Variants in CAMKMT observed in about 807,000 individuals in gnomAD.
CAMKMT encodes the protein CaM KMT.
In CAMKMT, 53 loss-of-function variants were observed where a neutral mutation model predicts 48.0. The observed-to-expected ratio is 1.10, with a 90% CI of 0.89 to 1.39. CAMKMT has a LOEUF of 1.39. Ranked by LOEUF, CAMKMT falls within the 40% of genes most tolerant of loss-of-function variation. The pLI, the probability that CAMKMT is intolerant of heterozygous loss-of-function variation, is 0.00. For synonymous variants in CAMKMT, 165 were observed against 152.3 expected (o/e 1.08, Z -0.61); for missense variants, 428 against 402.7 (o/e 1.06, Z -0.54).
intron 3 of CAMKMT, among the ~76,000 whole-genome samples, chr2:44,510,257 C>G (rs1261608772): frequency 1.3e-5 from 2 of 152,148 alleles, no homozygotes; most frequent in Non-Finnish European, 2.9e-5. Context: ...CTTAGTCTTT[C>G]TCTGTCTTTC....
intron 3 of CAMKMT, among the ~76,000 whole-genome samples, chr2:44,614,543 T>G (rs569530654): frequency 6.6e-6 from 1 of 152,148 alleles, no homozygotes; most frequent in Non-Finnish European, 1.5e-5. Flanking sequence ...ATGAGCAAGA[T>G]AAGCAGAACA....
At chr2:44,420,336 A>T (rs1040773096) in intron 3 of CAMKMT, among the ~76,000 whole-genome samples, 19 of 152,134 alleles carry the variant, frequency 1.2e-4, no homozygotes, top group Admixed American at 2.0e-4. Flanking sequence ...TAATCTTAGA[A>T]TCCAACCAAT....
At chr2:44,697,551 A>C (rs893271308) in intron 3 of CAMKMT, among the ~76,000 whole-genome samples, 2 of 152,144 alleles carry the variant, frequency 1.3e-5, no homozygotes, top group African/African-American at 2.4e-5. Flanking sequence ...GGGGGAAAAG[A>C]CCTTTATAAA....
intron 3 of CAMKMT, among the ~76,000 whole-genome samples, chr2:44,667,215 CT>C (rs1675040333): frequency 6.6e-6 from 1 of 152,182 alleles, no homozygotes; most frequent in Non-Finnish European, 1.5e-5. Context: ...TAGCTTCTAG[CT>C]AAAGTCTCCT....
intron 9 of CAMKMT, among the ~76,000 whole-genome samples, chr2:44,754,418 A>G (rs116592464): frequency 0.016 from 2,458 of 152,360 alleles, 30 homozygotes; most frequent in African/African-American, 0.036. Context: ...CTTGATAACA[A>G]TATCTTCATA....
At chr2:44,370,701 G>T (rs1187173786) in intron 1 of CAMKMT, among the ~76,000 whole-genome samples, 1 of 152,058 alleles carries the variant, frequency 6.6e-6, no homozygotes, top group Non-Finnish European at 1.5e-5. Context: ...TGCAATGAAT[G>T]CTTATTAACT....
Position 44,623,896 on chromosome 2 carries a change from T to A in CAMKMT, c.377-80387T>A, listed in dbSNP as rs534701330. ...TATATAAATGGAATTATACAGTATG[T>A]AATATTTTATGGATGCCTTTTTTCC... On this transcript the variant is annotated intron_variant, in intron 3 of 10. Transcript: ENST00000378494. Among the ~76,000 whole-genome samples the A allele has an allele frequency of 1.4e-4, 21 of 152,330 alleles. No homozygotes were observed. The South Asian group carries it at 3.5e-3, about 26-fold the overall frequency.
rs59922847 is a variant in CAMKMT at position 44,374,117 on chromosome 2, C to CAAA, written c.311+1253_311+1255dup. On this transcript the variant is annotated intron_variant, in intron 2 of 10. Transcript: ENST00000378494. ...TGGATGACAGAGTAAGACTCTGCCT[C>CAAA]AAAAAAAAAAAAAAAAAAAAAAAAA... 1.3e-3 allele frequency among the ~76,000 whole-genome samples: 83 copies of CAAA among 66,368 alleles called. 1 individual carries two copies. Among genetic ancestry groups the CAAA allele is most frequent in the African/African-American group, 4.3e-3 (76 of 17,544 alleles). The allele number at this position is 66,368 out of a possible 152,430, so 43.5% of individuals were successfully genotyped here. A position where few individuals can be genotyped will look rare whatever the true frequency, so the allele number is the denominator to read the frequency against.
intron 3 of CAMKMT, among the ~76,000 whole-genome samples, chr2:44,536,303 A>T (rs1006360457): frequency 6.6e-6 from 1 of 152,010 alleles, no homozygotes; most frequent in African/African-American, 2.4e-5. Flanking sequence ...TGTAGATTCA[A>T]TGCAGTCCCT....
At chr2:44,654,323 C>CT (rs1200850680) in intron 3 of CAMKMT, among the ~76,000 whole-genome samples, 1 of 151,652 alleles carries the variant, frequency 6.6e-6, no homozygotes, top group Non-Finnish European at 1.5e-5. Flanking sequence ...CTATTGTTTT[C>CT]TTTAAGTTTT....
chr2:44,383,969 A>G (rs189110945), intron 2 of CAMKMT, among the ~76,000 whole-genome samples: 1 of 151,900 alleles, frequency 6.6e-6, no homozygotes, highest in African/African-American at 2.4e-5. Context: ...ATAATGACTT[A>G]TTTTCCTCTG....
At chr2:44,423,847 C>A (rs1157091585) in intron 3 of CAMKMT, among the ~76,000 whole-genome samples, 1 of 152,156 alleles carries the variant, frequency 6.6e-6, no homozygotes. Flanking sequence ...ACATTTTTAA[C>A]TTTTCTAAGT....
chr2:44,758,403 C>T (rs1271598553), intron 9 of CAMKMT, among the ~76,000 whole-genome samples: 3 of 152,178 alleles, frequency 2.0e-5, no homozygotes, highest in African/African-American at 7.2e-5. Flanking sequence ...CTTAGATTCT[C>T]AACCAAACAG....
chr2:44,630,606 C>T (rs1199706355), intron 3 of CAMKMT, among the ~76,000 whole-genome samples: 2 of 151,756 alleles, frequency 1.3e-5, no homozygotes, highest in Non-Finnish European at 2.9e-5. Context: ...AGACACTTCT[C>T]AAAAGAAGAC....
At chr2:44,368,179 A>G (rs1678809469) in intron 1 of CAMKMT, among the ~76,000 whole-genome samples, 1 of 152,218 alleles carries the variant, frequency 6.6e-6, no homozygotes, top group Non-Finnish European at 1.5e-5. Context: ...TAGGAGAATG[A>G]GAAAATGCCT....
chr2:44,385,071 A>G (rs1355062358), intron 2 of CAMKMT, among the ~76,000 whole-genome samples: 5 of 152,192 alleles, frequency 3.3e-5, no homozygotes, highest in Non-Finnish European at 7.4e-5. Flanking sequence ...TGCTTTTGGC[A>G]GTATGGTCAT....
At chr2:44,543,703 G>T (rs1187999714) in intron 3 of CAMKMT, among the ~76,000 whole-genome samples, 1 of 152,094 alleles carries the variant, frequency 6.6e-6, no homozygotes, top group Non-Finnish European at 1.5e-5. Flanking sequence ...AAAGCTAGGT[G>T]GTTGGTTTTA....
intron 3 of CAMKMT, among the ~76,000 whole-genome samples, chr2:44,571,731 C>CT (rs2103737285): frequency 6.6e-6 from 1 of 152,066 alleles, no homozygotes; most frequent in Non-Finnish European, 1.5e-5. Flanking sequence ...CCCGGGTGCC[C>CT]TGGAGACTGA....
intron 3 of CAMKMT, among the ~76,000 whole-genome samples, chr2:44,616,770 G>A (rs948251609): frequency 6.6e-6 from 1 of 150,824 alleles, no homozygotes; most frequent in Non-Finnish European, 1.5e-5. Context: ...ACATACAGGA[G>A]TTAAAAACCT....
Sources: allele counts gnomAD v4.1 joint callset (sites outside exome capture counted in the v4.1 genomes callset), GRCh38; gene constraint gnomAD v4.1.1; transcripts MANE v1.5; gene names NCBI Gene and HGNC (gene_info 2026-07-23, HGNC 2026-07-21).